The following FBN2 variants were observed in gnomAD, a reference collection of about 807,000 sequenced individuals.
FBN2 encodes fibrillin 2.
In FBN2, 105 loss-of-function variants were observed where a neutral mutation model predicts 355.6. The ratio of observed to expected loss-of-function variants is 0.30; its 90% CI spans 0.25 to 0.35. The LOEUF (loss-of-function observed/expected upper bound fraction) is 0.35, where lower values mean the gene tolerates loss of function less well. Ranked by LOEUF, FBN2 falls within the 10% of genes least tolerant of loss-of-function variation. FBN2 has a pLI of 1.00. For missense variants in FBN2, 3,280 were observed against 3,758.7 expected (o/e 0.87, Z 3.33); for synonymous variants, 1,350 against 1,301.2 (o/e 1.04, Z -0.81).
Position 128,277,894 on chromosome 5 carries a change from C to T in FBN2, c.7457G>A (p.Gly2486Glu), listed in dbSNP as rs1765435091. ...CCCATCGTTACCTATACAAGAGGTTCCACTGATGTCTGTGGTGTAGCCAAC... is the reference window on the plus strand; with the variant it reads ...CCCATCGTTACCTATACAAGAGGTTTCACTGATGTCTGTGGTGTAGCCAAC... ...CKVGYTTDIS[G>E]TSCIDLDECS... Residue 2486 changes from glycine to glutamate, a missense_variant, in exon 58 of 65, where the codon GGA (glycine) becomes GAA (glutamate). Gly to Glu is a moderately conservative substitution (Grantham distance 98, BLOSUM62 -2). Coordinates refer to ENST00000262464, the MANE Select transcript of FBN2 (RefSeq NM_001999.4). The T allele has an allele frequency of 6.2e-7, 1 of 1,614,140 alleles. No individual in the cohort carries two copies. The highest frequency in any genetic ancestry group is 1.1e-5 in the South Asian group (1 of 91,074).
At chr5:128,507,995 C>G (rs575283436) in intron 5 of FBN2, among the ~76,000 whole-genome samples, 2 of 152,100 alleles carry the variant, frequency 1.3e-5, no homozygotes, top group South Asian at 4.1e-4. Context: ...TCTTGATTAA[C>G]TGACCGCTTT....
intron 20 of FBN2, among the ~76,000 whole-genome samples, chr5:128,351,439 C>T (rs943562572): frequency 6.6e-6 from 1 of 151,360 alleles, no homozygotes; most frequent in Admixed American, 6.6e-5. Context: ...CCCAGCTACT[C>T]GGGAGGCTGA....
At chr5:128,263,976 T>C (rs955139921) in intron 62 of FBN2, among the ~76,000 whole-genome samples, 9 of 152,222 alleles carry the variant, frequency 5.9e-5, no homozygotes, top group African/African-American at 2.2e-4. Flanking sequence ...CAAAAGCTTA[T>C]ATCTCGGGCA....
At chr5:128,412,251 G>A (rs1366289309) in intron 7 of FBN2, among the ~76,000 whole-genome samples, 1 of 152,216 alleles carries the variant, frequency 6.6e-6, no homozygotes, top group Non-Finnish European at 1.5e-5. Flanking sequence ...TGTGAGATAT[G>A]TTCAACTAGG....
In FBN2 at chr5:128,336,001, G is replaced by T; in HGVS notation, c.3711C>A (p.Arg1237=). ...GTCTCCCCTTACCTGTACAGCCCTG[G>T]CGGTCTGGCGTAGCCTGATATCCAG... The part of the protein sequence containing the change: ...CNPGYQATPD[R]QGCTDIDECM... Residue 1237 remains arginine (R), a synonymous_variant, in exon 28 of 65, where the codon CGC becomes CGA. Transcript: ENST00000262464. 6.2e-7 allele frequency: 1 copy of T among 1,614,040 alleles called. No homozygotes were observed. The highest frequency in any genetic ancestry group is 8.5e-7 in the Non-Finnish European group (1 of 1,179,988).
intron 11 of FBN2, among the ~76,000 whole-genome samples, chr5:128,383,704 C>T (rs187662271): frequency 5.5e-4 from 83 of 152,092 alleles, no homozygotes; most frequent in Non-Finnish European, 9.0e-4. Flanking sequence ...AAAAGATGGT[C>T]AACATCTTTT....
At chr5:128,323,653 G>T (rs1402794749) in intron 34 of FBN2, among the ~76,000 whole-genome samples, 1 of 152,190 alleles carries the variant, frequency 6.6e-6, no homozygotes, top group Non-Finnish European at 1.5e-5. Context: ...ACTTGATCGT[G>T]GTGGATAAGC....
chr5:128,359,889 A>G (rs1751594941), intron 19 of FBN2, among the ~76,000 whole-genome samples: 2 of 152,040 alleles, frequency 1.3e-5, no homozygotes, highest in South Asian at 2.1e-4. Flanking sequence ...TTACTTGTCT[A>G]TAAATAATCA....
At chr5:128,444,051 G>GTTTTT (rs1208530129) in intron 7 of FBN2, among the ~76,000 whole-genome samples, 1 of 71,598 alleles carries the variant, frequency 1.4e-5, no homozygotes. Context: ...AATATCACTT[G>GTTTTT]TTCTTTTTTT....
At chr5:128,439,866 T>C (rs1040370661) in intron 7 of FBN2, among the ~76,000 whole-genome samples, 1 of 152,170 alleles carries the variant, frequency 6.6e-6, no homozygotes, top group African/African-American at 2.4e-5. Flanking sequence ...TTCTTTTGTA[T>C]ACATAATATT....
intron 23 of FBN2, 58 bp downstream of exon 23, chr5:128,349,289 A>T: frequency 6.2e-7 from 1 of 1,610,396 alleles, no homozygotes; most frequent in East Asian, 2.2e-5. Context: ...GCCACTGCTT[A>T]AACAAGGAAA....
chr5:128,334,603 G>T, intron 31 of FBN2, 116 bp downstream of exon 31: 1 of 1,081,172 alleles, frequency 9.2e-7, no homozygotes, highest in East Asian at 2.4e-5. Flanking sequence ...CACACACACA[G>T]TCACAGTCTG....
chr5:128,366,263 AT>A (rs1396898803), intron 17 of FBN2, 113 bp downstream of exon 17: 1 of 543,554 alleles, frequency 1.8e-6, no homozygotes, highest in Non-Finnish European at 3.3e-6. Flanking sequence ...AATTAATCTT[AT>A]TATTTTATAA....
chr5:128,338,316 G>T (rs1303530174), intron 26 of FBN2, among the ~76,000 whole-genome samples, 194 bp from the exon 27 acceptor site: 9 of 152,130 alleles, frequency 5.9e-5, no homozygotes, highest in Non-Finnish European at 1.3e-4. Flanking sequence ...ACTCTTAAAG[G>T]TAGTAAGCTT....
chr5:128,394,846 C>G (rs1429682989), intron 9 of FBN2, among the ~76,000 whole-genome samples: 10 of 152,106 alleles, frequency 6.6e-5, no homozygotes, highest in Non-Finnish European at 7.4e-5. Flanking sequence ...AGTGCAGTGG[C>G]ATGATCATGG....
chr5:128,376,727 A>G lies in FBN2; in HGVS notation c.1972+4T>C. The G allele has an allele frequency of 6.2e-7, 1 of 1,613,694 alleles. No individual in the cohort carries two copies. The highest frequency in any genetic ancestry group is 1.1e-5 in the South Asian group (1 of 91,090). The stretch of plus-strand genomic sequence containing the variant: ...TCACTTTCCTATCTGAAAGCCACAC[A>G]TACCAGTACAGTAACGCCCATTTGG... On this transcript the variant is annotated splice_donor_region_variant and intron_variant, in intron 14 of 64. Transcript: ENST00000262464.
At chr5:128,318,394 A>G in intron 35 of FBN2, 123 bp from the exon 36 acceptor site, 1 of 967,406 alleles carries the variant, frequency 1.0e-6, no homozygotes, top group Non-Finnish European at 1.7e-6. Context: ...GAAAGACTCA[A>G]CACAATAAAA....
chr5:128,296,331 T>A (rs1381452739), intron 48 of FBN2, among the ~76,000 whole-genome samples: 1 of 152,170 alleles, frequency 6.6e-6, no homozygotes, highest in African/African-American at 2.4e-5. Context: ...GGCTTTGGTA[T>A]CAGGATGATG....
intron 45 of FBN2, among the ~76,000 whole-genome samples, chr5:128,304,508 T>G (rs1207992632): frequency 6.6e-6 from 1 of 152,212 alleles, no homozygotes; most frequent in Admixed American, 6.5e-5. Context: ...TTCAACAATT[T>G]GTTTTAAAAA....
Sources: gnomAD v4.1 joint callset for allele counts (sites outside exome capture counted in the v4.1 genomes callset) on GRCh38, gnomAD v4.1.1 for gene constraint, MANE v1.5 for transcripts, NCBI Gene and HGNC (gene_info 2026-07-23, HGNC 2026-07-21) for gene names.